The following CDKAL1 variants were observed in gnomAD, a reference collection of about 807,000 sequenced individuals.
The protein encoded by CDKAL1 is threonylcarbamoyladenosine tRNA methylthiotransferase.
In CDKAL1, 32 loss-of-function variants were observed where a neutral mutation model predicts 68.2. The ratio of observed to expected loss-of-function variants is 0.47; its 90% CI spans 0.35 to 0.63. The LOEUF is 0.63. Ranked by LOEUF, CDKAL1 falls within the 30% of genes least tolerant of loss-of-function variation. The pLI, the probability that CDKAL1 is intolerant of heterozygous loss-of-function variation, is 0.00. For synonymous variants in CDKAL1, 234 were observed against 244.3 expected (o/e 0.96, Z 0.39); for missense variants, 606 against 696.7 (o/e 0.87, Z 1.47).
At chr6:20,667,062 A>C (rs1033529818) in intron 5 of CDKAL1, among the ~76,000 whole-genome samples, 1 of 152,186 alleles carries the variant, frequency 6.6e-6, no homozygotes, top group Admixed American at 6.5e-5. Context: ...TTTGGCAGCA[A>C]ATATCCATTG....
chr6:21,139,754 G>T (rs964868148), intron 13 of CDKAL1, among the ~76,000 whole-genome samples: 1 of 152,008 alleles, frequency 6.6e-6, no homozygotes, highest in Admixed American at 6.6e-5. Context: ...GCAGTCCTCC[G>T]GCCTCAGCCC....
intron 9 of CDKAL1, among the ~76,000 whole-genome samples, chr6:20,891,182 A>C (rs146344831): frequency 6.6e-6 from 1 of 152,292 alleles, no homozygotes; most frequent in Non-Finnish European, 1.5e-5. Flanking sequence ...TGGTGTGTTC[A>C]TTTTGAGGGT....
In CDKAL1 at chr6:20,958,353, C is replaced by T. The variant is rs114604108; in HGVS notation, c.909+2768C>T. 2.0e-3 allele frequency among the ~76,000 whole-genome samples: 309 copies of T among 152,268 alleles called. 3 individuals are homozygous for T. Among genetic ancestry groups the T allele is most frequent in the African/African-American group, 7.0e-3 (290 of 41,552 alleles). On this transcript the variant is annotated intron_variant, in intron 10 of 15. Coordinates refer to ENST00000274695, the MANE Select transcript of CDKAL1 (RefSeq NM_017774.3). ...TCTCATCCTCCTCTGCATGGCAGAGCCCAGAACACTCAGGATTCCACAAAC... is the reference window on the plus strand; with the variant it reads ...TCTCATCCTCCTCTGCATGGCAGAGTCCAGAACACTCAGGATTCCACAAAC...
chr6:21,168,016 C>T (rs942009301), intron 13 of CDKAL1, among the ~76,000 whole-genome samples: 2 of 152,132 alleles, frequency 1.3e-5, no homozygotes, highest in African/African-American at 4.8e-5. Flanking sequence ...TGGCAGTAAA[C>T]CTGAGGAATG....
chr6:21,108,444 A>G lies in CDKAL1; in HGVS notation c.1280A>G (p.Tyr427Cys). The change falls in exon 13 of 16, where the codon TAC becomes TGC. Residue 427 changes from tyrosine to cysteine, a missense_variant. Tyr to Cys is a radical substitution (Grantham distance 194). Coordinates refer to ENST00000274695, the MANE Select transcript of CDKAL1 (RefSeq NM_017774.3). ...GATCTTTCTCGGGTGTTTCATTCTTACAGTCCATATGATCACAAGGTAAGA... is the reference window on the plus strand; with the variant it reads ...GATCTTTCTCGGGTGTTTCATTCTTGCAGTCCATATGATCACAAGGTAAGA... ...TKDLSRVFHS[Y>C]SPYDHKIGER... 6.2e-7 allele frequency: 1 copy of G among 1,604,592 alleles called. No individual in the cohort carries two copies. Among genetic ancestry groups the G allele is most frequent in the Admixed American group, 1.7e-5 (1 of 58,092 alleles).
At chr6:20,861,121 C>A (rs1759601963) in intron 9 of CDKAL1, among the ~76,000 whole-genome samples, 1 of 151,988 alleles carries the variant, frequency 6.6e-6, no homozygotes, top group Non-Finnish European at 1.5e-5. Flanking sequence ...AGAGGATTTG[C>A]ACATGGGCCT....
intron 6 of CDKAL1, among the ~76,000 whole-genome samples, chr6:20,750,580 A>G (rs1221988649): frequency 2.0e-5 from 3 of 152,144 alleles, no homozygotes; most frequent in Non-Finnish European, 4.4e-5. Context: ...TGGACCACCT[A>G]TCTGCCATTC....
At chr6:20,942,605 G>GTA (rs1764036778) in intron 9 of CDKAL1, among the ~76,000 whole-genome samples, 1 of 149,870 alleles carries the variant, frequency 6.7e-6, no homozygotes, top group Non-Finnish European at 1.5e-5. Context: ...AACCTCAGGT[G>GTA]ATCTGCCTGC....
chr6:20,790,642 T>G lies in CDKAL1; in HGVS notation c.638+9377T>G, dbSNP rs1345364357. On this transcript the variant is annotated intron_variant, in intron 8 of 15. Transcript: ENST00000274695. The stretch of plus-strand genomic sequence containing the variant: ...ACTCGGTCCACCTGTGCTATAGCAT[T>G]CGGTGGTTCCCAAGCTCTTGTCCCA... Among the ~76,000 whole-genome samples the G allele has an allele frequency of 2.6e-5, 4 of 152,262 alleles. No individual in the cohort carries two copies. The East Asian group carries it at 7.7e-4, about 29-fold the overall frequency.
At chr6:20,882,203 G>A (rs1444247875) in intron 9 of CDKAL1, among the ~76,000 whole-genome samples, 3 of 152,148 alleles carry the variant, frequency 2.0e-5, no homozygotes. Context: ...GCACCTGGAG[G>A]GGGAAGGGGC....
intron 7 of CDKAL1, among the ~76,000 whole-genome samples, chr6:20,777,449 T>C (rs1245764945): frequency 2.6e-5 from 4 of 151,838 alleles, no homozygotes; most frequent in Non-Finnish European, 5.9e-5. Flanking sequence ...CTCATCTCTA[T>C]AAAAAAAATT....
chr6:20,679,250 T>C (rs556950622), intron 5 of CDKAL1, among the ~76,000 whole-genome samples: 12 of 152,380 alleles, frequency 7.9e-5, no homozygotes, highest in Non-Finnish European at 1.6e-4. Context: ...CCATCTACTT[T>C]GTCAGTGTTC....
At chr6:21,215,514 G>A (rs1053224666) in intron 15 of CDKAL1, among the ~76,000 whole-genome samples, 9 of 152,090 alleles carry the variant, frequency 5.9e-5, no homozygotes, top group Non-Finnish European at 8.8e-5. Context: ...CCTTTTCTAC[G>A]TCCCCAGAAG....
rs141820867 is a variant in CDKAL1 at position 21,157,572 on chromosome 6, AAT to A, written c.1300-40445_1300-40444del. ...TTGTTTTTGTAGTTTTTACTTAAGTAATATAAAAAAATAGCTAAGTGAAAATC... is the reference window on the plus strand; with the variant it reads ...TTGTTTTTGTAGTTTTTACTTAAGTAATAAAAAAATAGCTAAGTGAAAATC... On this transcript the variant is annotated intron_variant, in intron 13 of 15. Coordinates refer to ENST00000274695, the MANE Select transcript of CDKAL1 (RefSeq NM_017774.3). Among the ~76,000 whole-genome samples, 1,291 of 152,358 alleles carry A rather than the reference AAT, an allele frequency of 8.5e-3. 20 individuals carry two copies. Among genetic ancestry groups the A allele is most frequent in the African/African-American group, 0.029 (1,224 of 41,586 alleles).
At chr6:21,095,766 T>C (rs1282041032) in intron 12 of CDKAL1, among the ~76,000 whole-genome samples, 1 of 152,170 alleles carries the variant, frequency 6.6e-6, no homozygotes, top group Non-Finnish European at 1.5e-5. Context: ...ATGGAGAAGA[T>C]TGAGCTGTAT....
chr6:20,770,618 A>G (rs914264485), intron 7 of CDKAL1, among the ~76,000 whole-genome samples: 7 of 152,236 alleles, frequency 4.6e-5, no homozygotes, highest in Admixed American at 1.3e-4. Context: ...TCTTTTGACT[A>G]GAACTAAGAA....
At chr6:20,660,030 T>C (rs1422787852) in intron 5 of CDKAL1, among the ~76,000 whole-genome samples, 6 of 152,082 alleles carry the variant, frequency 3.9e-5, no homozygotes, top group African/African-American at 1.4e-4. Context: ...TCCAAATGCA[T>C]GCCCTCACCT....
At chr6:21,042,241 C>T (rs956836541) in intron 11 of CDKAL1, among the ~76,000 whole-genome samples, 1 of 152,056 alleles carries the variant, frequency 6.6e-6, no homozygotes, top group African/African-American at 2.4e-5. Context: ...AATATTTTAA[C>T]TGTACACCCC....
At chr6:20,662,910 G>A (rs1769354925) in intron 5 of CDKAL1, among the ~76,000 whole-genome samples, 1 of 152,122 alleles carries the variant, frequency 6.6e-6, no homozygotes, top group African/African-American at 2.4e-5. Context: ...TGACTTAGGG[G>A]ATTTATTTTT....
Sources: gnomAD v4.1 joint callset for allele counts (sites outside exome capture counted in the v4.1 genomes callset) on GRCh38, gnomAD v4.1.1 for gene constraint, MANE v1.5 for transcripts, NCBI Gene and HGNC (gene_info 2026-07-23, HGNC 2026-07-21) for gene names.